The following ARV1 variants were observed in gnomAD, a reference collection of about 807,000 sequenced individuals.
The protein encoded by ARV1 is ARV1 fatty acid homeostasis modulator, also known as protein ARV1.
Under a neutral mutation model 31.1 loss-of-function variants are expected in ARV1, and 26 were observed. The observed-to-expected ratio is 0.84, with a 90% CI of 0.61 to 1.16. The LOEUF is 1.16. Ranked by LOEUF, ARV1 falls within the 50% of genes most tolerant of loss-of-function variation. ARV1 has a pLI of 0.00. For missense variants in ARV1, 281 were observed against 324.9 expected (o/e 0.86, Z 1.04); for synonymous variants, 117 against 123.2 (o/e 0.95, Z 0.34).
chr1:230,991,671 G>A (rs373633008), intron 3 of ARV1, among the ~76,000 whole-genome samples: 30 of 140,022 alleles, frequency 2.1e-4, no homozygotes, highest in South Asian at 9.1e-4. Flanking sequence ...TCACTCTGTC[G>A]CCCAGGCTGG....
intron 4 of ARV1, among the ~76,000 whole-genome samples, 155 bp from the exon 5 acceptor site, chr1:230,996,966 A>G (rs1221886056): frequency 6.6e-6 from 1 of 152,194 alleles, no homozygotes; most frequent in Non-Finnish European, 1.5e-5. Context: ...AAATGTGTAG[A>G]TGGAAAAGTG....
intron 1 of ARV1, among the ~76,000 whole-genome samples, chr1:230,984,354 G>GTC (rs1404050811): frequency 3.0e-5 from 2 of 66,516 alleles, no homozygotes; most frequent in African/African-American, 1.3e-4. Flanking sequence ...GTGTGTGTGT[G>GTC]TGTGTGTGCG....
At chr1:230,989,057 A>G (rs1679160631) in intron 2 of ARV1, among the ~76,000 whole-genome samples, 1 of 152,218 alleles carries the variant, frequency 6.6e-6, no homozygotes, top group Non-Finnish European at 1.5e-5. Flanking sequence ...TGTCCCAAAT[A>G]TTGCATGGAA....
intron 1 of ARV1, among the ~76,000 whole-genome samples, chr1:230,986,065 T>A (rs7416662): frequency 1.3e-5 from 2 of 151,654 alleles, no homozygotes; most frequent in Non-Finnish European, 2.9e-5. Context: ...TACAGGCACC[T>A]GCCACCACGC....
Position 230,987,796 on chromosome 1 carries a change from G to A in ARV1, c.175-524G>A, listed in dbSNP as rs183555366. 4.9e-3 allele frequency among the ~76,000 whole-genome samples: 752 copies of A among 152,264 alleles called. 6 individuals carry two copies. Among genetic ancestry groups the A allele is most frequent in the African/African-American group, 0.017 (704 of 41,546 alleles). On this transcript the variant is annotated intron_variant, in intron 1 of 5. Transcript: ENST00000310256. Reference sequence around the variant, plus strand: ...GTTACCGGCCACCTCAGGATCATTCGGATCATGCCCCATTCTTTACCTACT... The same window carrying A: ...GTTACCGGCCACCTCAGGATCATTCAGATCATGCCCCATTCTTTACCTACT...
At chr1:230,994,787 G>A (rs567748846) in intron 3 of ARV1, among the ~76,000 whole-genome samples, 109 of 152,102 alleles carry the variant, frequency 7.2e-4, no homozygotes, top group Admixed American at 1.4e-3. Context: ...CTTGTGATCC[G>A]CCTGCCTCGG....
At chr1:230,994,259 C>G (rs113764165) in intron 3 of ARV1, among the ~76,000 whole-genome samples, 1 of 152,142 alleles carries the variant, frequency 6.6e-6, no homozygotes, top group Non-Finnish European at 1.5e-5. Flanking sequence ...GCCTGTGTGG[C>G]GCAAGAAATC....
chr1:230,983,894 A>T (rs899775621), intron 1 of ARV1, among the ~76,000 whole-genome samples: 1 of 152,208 alleles, frequency 6.6e-6, no homozygotes, highest in Non-Finnish European at 1.5e-5. Context: ...CTTGCCTATA[A>T]AGTAGTAAAT....
Position 230,997,279 on chromosome 1 carries a change from A to G in ARV1, c.*4+12A>G, listed in dbSNP as rs763901393. The G allele has an allele frequency of 6.2e-7, 1 of 1,612,826 alleles. No homozygotes were observed. Among genetic ancestry groups the G allele is most frequent in the East Asian group, 2.2e-5 (1 of 44,858 alleles). On this transcript the variant is annotated intron_variant, in intron 5 of 5. Coordinates refer to ENST00000310256, the MANE Select transcript of ARV1 (RefSeq NM_022786.3). ...GGACTTCTGAAGAGGTACTGAAAGC[A>G]TGTAGTGTTCATGCATTCAGACATG...
chr1:230,992,040 G>A (rs978239708), intron 3 of ARV1, among the ~76,000 whole-genome samples: 2 of 152,124 alleles, frequency 1.3e-5, no homozygotes, highest in African/African-American at 4.8e-5. Context: ...TTGTTTGCTA[G>A]CCCAGTTCTC....
intron 3 of ARV1, among the ~76,000 whole-genome samples, chr1:230,992,491 C>T (rs113274513): frequency 1.9e-4 from 29 of 152,310 alleles, no homozygotes; most frequent in African/African-American, 6.3e-4. Context: ...TTTAACATAT[C>T]ACAGAAGTTA....
chr1:230,994,958 G>A (rs1160385891), intron 3 of ARV1, among the ~76,000 whole-genome samples: 1 of 152,196 alleles, frequency 6.6e-6, no homozygotes, highest in East Asian at 1.9e-4. Flanking sequence ...CATGTGTCCA[G>A]AGAAACCTGA....
At position 230,979,182 on chromosome 1, in the gene ARV1, C is replaced by T. The variant is rs1189070710; in HGVS notation, c.77C>T (p.Ala26Val). The T allele has an allele frequency of 8.1e-6, 13 of 1,613,146 alleles. No homozygotes were observed. The highest frequency in any genetic ancestry group is 1.1e-5 in the Non-Finnish European group (13 of 1,179,672). ...GGGGTGGCAGCGACTCCTACTGCTG[C>T]CTCGGCCTCCTGCCAGTACAGGTGC... The part of the protein sequence containing the change: ...VDGVAATPTA[A>V]SASCQYRCIE... The change falls in exon 1 of 6, where the codon GCC (alanine) becomes GTC (valine). Residue 26 changes from alanine (A) to valine (V), a missense_variant. By Grantham distance (64) the Ala-to-Val change is moderately conservative. Coordinates refer to ENST00000310256, the MANE Select transcript of ARV1 (RefSeq NM_022786.3).
At chr1:230,980,143 C>G (rs1678821015) in intron 1 of ARV1, among the ~76,000 whole-genome samples, 1 of 152,142 alleles carries the variant, frequency 6.6e-6, no homozygotes, top group East Asian at 1.9e-4. Flanking sequence ...TGCATACAAC[C>G]TCAATTTCCT....
intron 3 of ARV1, chr1:230,990,678 C>G (rs1051866766): frequency 1.7e-5 from 6 of 351,594 alleles, no homozygotes; most frequent in Non-Finnish European, 2.9e-5. Flanking sequence ...CCTCGGCCCC[C>G]CCAGGTAGCT....
intron 1 of ARV1, among the ~76,000 whole-genome samples, chr1:230,983,709 G>C (rs1165956481): frequency 6.6e-6 from 1 of 152,134 alleles, no homozygotes; most frequent in Non-Finnish European, 1.5e-5. Context: ...AAATTGGTTT[G>C]GCCGATTTAT....
chr1:230,996,265 TCCTGGGGC>T (rs1054072716), intron 4 of ARV1, among the ~76,000 whole-genome samples: 59 of 152,288 alleles, frequency 3.9e-4, no homozygotes, highest in African/African-American at 1.4e-3. Context: ...ATGAATGAGC[TCCTGGGGC>T]TCTGAGGGTT....
Position 230,997,106 on chromosome 1 carries a change from C to T in ARV1, c.674-15C>T. Reference sequence around the variant, plus strand: ...TCATTAATTCTGAACTTATTGGCTGCCTTCTCCTTTCCAGTGACCCTAAAC... The same window carrying T: ...TCATTAATTCTGAACTTATTGGCTGTCTTCTCCTTTCCAGTGACCCTAAAC... On this transcript the variant is annotated splice_polypyrimidine_tract_variant and intron_variant, in intron 4 of 5. Coordinates refer to ENST00000310256, the MANE Select transcript of ARV1 (RefSeq NM_022786.3). 6.2e-7 allele frequency: 1 copy of T among 1,612,108 alleles called. No homozygotes were observed. Among genetic ancestry groups the T allele is most frequent in the South Asian group, 1.1e-5 (1 of 90,546 alleles).
Position 230,980,914 on chromosome 1 carries a change from C to G in ARV1, c.174+1635C>G, listed in dbSNP as rs1678895253. On this transcript the variant is annotated intron_variant, in intron 1 of 5. Coordinates refer to ENST00000310256, the MANE Select transcript of ARV1 (RefSeq NM_022786.3). ...CCTTTCCTAGTTTCTCTTGAACCTG[C>G]TTTAGTCACATTCCCACCCGCATTT... Among the ~76,000 whole-genome samples the G allele has an allele frequency of 2.0e-5, 3 of 152,116 alleles. 1 individual carries two copies. The highest frequency in any genetic ancestry group is 7.2e-5 in the African/African-American group (3 of 41,416).
Sources: gnomAD v4.1 joint callset for allele counts (sites outside exome capture counted in the v4.1 genomes callset) on GRCh38, gnomAD v4.1.1 for gene constraint, MANE v1.5 for transcripts, NCBI Gene and HGNC (gene_info 2026-07-23, HGNC 2026-07-21) for gene names.